The following TMC7 variants were observed in gnomAD, a reference collection of about 807,000 sequenced individuals.
TMC7 encodes the protein transmembrane channel-like protein 7.
Under a neutral mutation model 82.9 loss-of-function variants are expected in TMC7, and 54 were observed. That is an observed-to-expected ratio of 0.65 (90% confidence interval 0.52 to 0.82). The LOEUF (loss-of-function observed/expected upper bound fraction) is 0.82, where lower values mean the gene tolerates loss of function less well. TMC7 is among the 40% of genes least tolerant of loss of function. TMC7 has a pLI of 0.00. For missense variants in TMC7, 820 were observed against 901.2 expected, an observed-to-expected ratio of 0.91 and a Z score of 1.15; for synonymous variants, 350 against 337.9, an observed-to-expected ratio of 1.04 and a Z score of -0.39.
chr16:19,040,427 A>G lies in TMC7; in HGVS notation c.1318A>G (p.Ile440Val), dbSNP rs1960959762. 1.2e-6 allele frequency: 2 copies of G among 1,612,336 alleles called. No homozygotes were observed. The highest frequency in any genetic ancestry group is 2.2e-5 in the South Asian group (2 of 90,944). The change falls in exon 9 of 16, where the codon ATC becomes GTC. Residue 440 changes from isoleucine to valine, a missense_variant. Ile to Val is a conservative substitution (Grantham distance 29, BLOSUM62 3). This residue lies in a region of TMC7 where 650 missense variants were observed against 669.9 expected (regional missense o/e 0.97). Coordinates refer to ENST00000304381, the MANE Select transcript of TMC7 (RefSeq NM_024847.4). ...TGAGGATTATTCTCCAGGCTTTGAG[A>G]TCCGTCTGACAATCCTTAGGTAATG... ...RYEDYSPGFE[I>V]RLTILRCVFM...
intron 5 of TMC7, 36 bp from the exon 6 acceptor site, chr16:19,030,188 G>T: frequency 6.3e-7 from 1 of 1,595,424 alleles, no homozygotes; most frequent in South Asian, 1.1e-5. Flanking sequence ...GCAGTAAGCT[G>T]ACCAGTCTGA....
intron 5 of TMC7, among the ~76,000 whole-genome samples, chr16:19,029,259 C>A (rs931305025): frequency 6.6e-6 from 1 of 152,150 alleles, no homozygotes; most frequent in East Asian, 1.9e-4. Flanking sequence ...TCCGCCTCGG[C>A]CTCCCAAAGT....
Position 18,991,746 on chromosome 16 carries a change from G to A in TMC7, c.67+7616G>A, listed in dbSNP as rs550831244. Among the ~76,000 whole-genome samples the A allele has an allele frequency of 4.6e-5, 7 of 151,688 alleles. No individual in the cohort carries two copies. In the East Asian group the frequency reaches 7.8e-4, roughly 17 times the overall value. On this transcript the variant is annotated intron_variant, in intron 1 of 15. Transcript: ENST00000304381. ...GCTATCCCTCCCCCGTCCCCGCACC[G>A]CACAAGAGGCCCCGGTGTGTGATGT...
intron 13 of TMC7, among the ~76,000 whole-genome samples, chr16:19,052,719 CT>C (rs139788351): frequency 0.13 from 20,030 of 151,380 alleles, 1,405 homozygotes; most frequent in South Asian, 0.18. Flanking sequence ...AGATTTTGTT[CT>C]TTTTTTTTAT....
At chr16:19,005,411 C>G (rs958419604) in intron 1 of TMC7, among the ~76,000 whole-genome samples, 5 of 152,154 alleles carry the variant, frequency 3.3e-5, no homozygotes, top group Non-Finnish European at 7.4e-5. Flanking sequence ...CTTTAAATGG[C>G]CTGGTACAAG....
At chr16:19,028,559 T>G (rs946372142) in intron 5 of TMC7, among the ~76,000 whole-genome samples, 1 of 152,188 alleles carries the variant, frequency 6.6e-6, no homozygotes, top group African/African-American at 2.4e-5. Context: ...AAGGATGATG[T>G]TGAATCTGTA....
intron 4 of TMC7, 133 bp downstream of exon 4, chr16:19,021,929 C>T: frequency 9.1e-7 from 1 of 1,101,950 alleles, no homozygotes; most frequent in Admixed American, 2.9e-5. Flanking sequence ...CTAGGTTATG[C>T]TGCAGAAACA....
At chr16:19,045,887 C>G (rs998537538) in intron 11 of TMC7, among the ~76,000 whole-genome samples, 1 of 151,814 alleles carries the variant, frequency 6.6e-6, no homozygotes, top group African/African-American at 2.4e-5. Flanking sequence ...TGAGCCACCG[C>G]GCCCGGCCAA....
At chr16:19,059,515 A>T (rs1051861493) in intron 15 of TMC7, 21 bp downstream of exon 15, 1 of 1,614,148 alleles carries the variant, frequency 6.2e-7, no homozygotes, top group East Asian at 2.2e-5. Flanking sequence ...ATAGCTCCAG[A>T]GGGTCATGGC....
rs140447042 is a variant in TMC7 at position 19,040,744 on chromosome 16, G to T, written c.1337+298G>T. 1.2e-3 allele frequency among the ~76,000 whole-genome samples: 188 copies of T among 152,284 alleles called. 1 individual carries two copies. The Middle Eastern group carries it at 0.017, about 14-fold the overall frequency. On this transcript the variant is annotated intron_variant, in intron 9 of 15. Coordinates refer to ENST00000304381, the MANE Select transcript of TMC7 (RefSeq NM_024847.4). ...AGCTGTCAGAAATGACAGCTATAAGGCAGAGTCCAGGGAGTTAACACAAAT... is the reference window on the plus strand; with the variant it reads ...AGCTGTCAGAAATGACAGCTATAAGTCAGAGTCCAGGGAGTTAACACAAAT...
intron 9 of TMC7, 116 bp from the exon 10 acceptor site, chr16:19,044,768 C>CAAA (rs1165792461): frequency 4.0e-3 from 1,154 of 291,672 alleles, no homozygotes; most frequent in South Asian, 5.6e-3. Flanking sequence ...CACTCCATCT[C>CAAA]AAAAAAAAAA....
Position 19,023,110 on chromosome 16 carries a change from C to T in TMC7, c.629-3C>T, listed in dbSNP as rs1183604975. The T allele has an allele frequency of 6.3e-7, 1 of 1,584,990 alleles. No homozygotes were observed. The highest frequency in any genetic ancestry group is 8.6e-7 in the Non-Finnish European group (1 of 1,159,244). On this transcript the variant is annotated splice_region_variant and splice_polypyrimidine_tract_variant and intron_variant, in intron 4 of 15. Coordinates refer to ENST00000304381, the MANE Select transcript of TMC7 (RefSeq NM_024847.4). ...CTGACATTCTGGTTTTTGTTTCTTA[C>T]AGATAAACAATGTACAGTCTATCCA... is the stretch of plus-strand genomic sequence containing the variant.
rs565917949 is a variant in TMC7, at chr16:19,040,533, TGTA to T, written c.1337+90_1337+92del. On this transcript the variant is annotated intron_variant, in intron 9 of 15. Transcript: ENST00000304381. ...CCCATGGCAGACATCGCTAATCAAT[TGTA>T]GTGCATTTTCCTGCTGAGCCAAGAG... is the stretch of plus-strand genomic sequence containing the variant. 2.3e-4 allele frequency: 289 copies of T among 1,263,978 alleles called. No individual in the cohort carries two copies. In the African/African-American group the frequency reaches 4.1e-3, roughly 18 times the overall value. 78.3% of individuals were successfully genotyped at this position (1,263,978 alleles called of 1,614,324 possible). A position where few individuals can be genotyped will look rare whatever the true frequency, so the allele number is the denominator to read the frequency against.
rs1011148377 is a variant in TMC7 at position 19,038,063 on chromosome 16, C to T, written c.1179+16C>T. 8.7e-6 allele frequency: 14 copies of T among 1,609,780 alleles called. No individual in the cohort carries two copies. Among genetic ancestry groups the T allele is most frequent in the African/African-American group, 6.7e-5 (5 of 74,848 alleles). ...CATGAAAAAGGTAAATTAACTTGTA[C>T]TCTGGCTGGACATTATGCCTAGTGC... On this transcript the variant is annotated intron_variant, in intron 8 of 15. Transcript: ENST00000304381.
At chr16:19,023,260 T>C (rs1960069461) in intron 5 of TMC7, 65 bp downstream of exon 5, 1 of 1,127,384 alleles carries the variant, frequency 8.9e-7, no homozygotes, top group African/African-American at 1.6e-5. Flanking sequence ...GATTTAAAGA[T>C]CAGTTTCCCA....
At chr16:19,027,836 C>G (rs764438574) in intron 5 of TMC7, among the ~76,000 whole-genome samples, 3 of 152,080 alleles carry the variant, frequency 2.0e-5, no homozygotes, top group Non-Finnish European at 4.4e-5. Flanking sequence ...TAAATATGCT[C>G]AGCTTCAATA....
rs542410633 is a variant in TMC7, at chr16:19,029,686, T to G, written c.712-538T>G. 8.4e-4 allele frequency among the ~76,000 whole-genome samples: 127 copies of G among 151,068 alleles called. 5 individuals are homozygous for G. In the South Asian group the frequency reaches 0.026, roughly 31 times the overall value. On this transcript the variant is annotated intron_variant, in intron 5 of 15. Coordinates refer to ENST00000304381, the MANE Select transcript of TMC7 (RefSeq NM_024847.4). ...CACCACGCCTGGCCATCTGTGCATT[T>G]TTTTTTTTTTTTGAGATGGAGTCTC... is the stretch of plus-strand genomic sequence containing the variant.
chr16:19,021,945 C>T lies in TMC7; in HGVS notation c.628+149C>T. On this transcript the variant is annotated intron_variant, in intron 4 of 15. Coordinates refer to ENST00000304381, the MANE Select transcript of TMC7 (RefSeq NM_024847.4). ...TAGGTTATGCTGCAGAAACAAGTGA[C>T]CCCATAATGCTCATGCTGCTGTGGA... is the stretch of plus-strand genomic sequence containing the variant. The T allele has an allele frequency of 3.3e-6, 3 of 904,496 alleles. No homozygotes were observed. In the South Asian group the frequency reaches 5.5e-5, roughly 17 times the overall value. 56.0% of individuals were successfully genotyped at this position (904,496 alleles called of 1,614,324 possible). A position where few individuals can be genotyped will look rare whatever the true frequency, so the allele number is the denominator to read the frequency against.
Position 19,063,175 on chromosome 16 carries a change from C to T in TMC7, c.*1332C>T, listed in dbSNP as rs1028485316. On this transcript the variant is annotated 3_prime_UTR_variant, in exon 16 of 16. Coordinates refer to ENST00000304381, the MANE Select transcript of TMC7 (RefSeq NM_024847.4). ...ATCTAATAACTACAGTCATACCACC[C>T]TGAAAATGCCTGATCTCGTCTAAAT... The T allele has an allele frequency of 1.3e-5, 2 of 152,162 alleles. No homozygotes were observed. The highest frequency in any genetic ancestry group is 1.3e-4 in the Admixed American group (2 of 15,258). 9.4% of individuals were successfully genotyped at this position (152,162 alleles called of 1,614,324 possible).
Sources: gnomAD v4.1 joint callset for allele counts (sites outside exome capture counted in the v4.1 genomes callset) on GRCh38, gnomAD v4.1.1 for gene constraint, gnomAD v4.1.1 regional missense constraint, MANE v1.5 for transcripts, NCBI Gene and HGNC (gene_info 2026-07-23, HGNC 2026-07-21) for gene names.